BCAS3: variants seen among roughly 807,000 people sequenced by gnomAD.
BCAS3 encodes BCAS3 microtubule associated cell migration factor.
A neutral mutation model predicts 116.1 loss-of-function variants in BCAS3; 53 were observed. The ratio of observed to expected loss-of-function variants is 0.46; its 90% confidence interval spans 0.37 to 0.57. The LOEUF is 0.57. BCAS3 is among the 20% of genes least tolerant of loss of function. BCAS3 has a pLI of 0.00. For missense variants in BCAS3, 917 were observed against 1,165.4 expected, an observed-to-expected ratio of 0.79 and a Z score of 3.10; for synonymous variants, 391 against 408.2, an observed-to-expected ratio of 0.96 and a Z score of 0.51.
intron 12 of BCAS3, among the ~76,000 whole-genome samples, chr17:60,920,761 T>C (rs1211350662): frequency 6.6e-6 from 1 of 151,820 alleles, no homozygotes; most frequent in Non-Finnish European, 1.5e-5. Context: ...TCCCAGCTAC[T>C]CGGGAGGCTG....
chr17:61,049,730 C>CTTT (rs1027378849), intron 19 of BCAS3, among the ~76,000 whole-genome samples: 5 of 120,824 alleles, frequency 4.1e-5, no homozygotes, highest in Non-Finnish European at 3.4e-5. Context: ...CTTTTCTTTT[C>CTTT]TTTTTTTTTT....
At chr17:61,127,081 A>G (rs1334430670) in intron 22 of BCAS3, among the ~76,000 whole-genome samples, 1 of 152,176 alleles carries the variant, frequency 6.6e-6, no homozygotes, top group Non-Finnish European at 1.5e-5. Context: ...CAGCAGCTGC[A>G]TCTCTTCCAC....
At chr17:60,727,992 A>T (rs1404015957) in intron 5 of BCAS3, among the ~76,000 whole-genome samples, 1 of 151,682 alleles carries the variant, frequency 6.6e-6, no homozygotes, top group Non-Finnish European at 1.5e-5. Flanking sequence ...ATTTTTTTGT[A>T]GAGATGGGGT....
At chr17:60,913,011 A>G (rs948706731) in intron 12 of BCAS3, among the ~76,000 whole-genome samples, 1 of 152,084 alleles carries the variant, frequency 6.6e-6, no homozygotes, top group Non-Finnish European at 1.5e-5. Context: ...AAAACATGAC[A>G]TTTAGGCCTT....
intron 6 of BCAS3, among the ~76,000 whole-genome samples, chr17:60,768,806 G>C (rs1476274565): frequency 6.6e-6 from 1 of 152,180 alleles, no homozygotes; most frequent in Non-Finnish European, 1.5e-5. Flanking sequence ...ACTGGCACCA[G>C]TGTCAGCGGG....
intron 22 of BCAS3, among the ~76,000 whole-genome samples, chr17:61,268,974 G>GTA (rs1449658204): frequency 1.3e-5 from 2 of 151,974 alleles, no homozygotes; most frequent in African/African-American, 4.8e-5. Flanking sequence ...ATATTCCCCT[G>GTA]TATATATATG....
chr17:61,172,450 G>T (rs542358435), intron 22 of BCAS3, among the ~76,000 whole-genome samples: 1 of 151,090 alleles, frequency 6.6e-6, no homozygotes, highest in Non-Finnish European at 1.5e-5. Context: ...TGGCTAACAC[G>T]GTGAAACCCC....
chr17:60,860,057 C>G (rs1320082569), intron 7 of BCAS3, among the ~76,000 whole-genome samples: 1 of 152,124 alleles, frequency 6.6e-6, no homozygotes, highest in Non-Finnish European at 1.5e-5. Flanking sequence ...ATTCTAAGTT[C>G]TTTGAGAAAT....
At chr17:60,752,156 GT>G (rs1250553790) in intron 6 of BCAS3, among the ~76,000 whole-genome samples, 2 of 10,324 alleles carry the variant, frequency 1.9e-4, no homozygotes, top group African/African-American at 2.2e-4. Flanking sequence ...TGGCTGAAGG[GT>G]GTGTGTGTGT....
intron 19 of BCAS3, among the ~76,000 whole-genome samples, chr17:61,072,242 C>T (rs1600986307): frequency 6.6e-6 from 1 of 152,176 alleles, no homozygotes; most frequent in Non-Finnish European, 1.5e-5. Flanking sequence ...TCCAAACATA[C>T]ACAAAACTAG....
intron 6 of BCAS3, among the ~76,000 whole-genome samples, chr17:60,775,206 T>C (rs2045154632): frequency 6.6e-6 from 1 of 152,156 alleles, no homozygotes; most frequent in Non-Finnish European, 1.5e-5. Flanking sequence ...TAGCATTAAT[T>C]GTGGGGTTTT....
intron 22 of BCAS3, among the ~76,000 whole-genome samples, chr17:61,191,781 AAAAG>A (rs1018319407): frequency 6.9e-4 from 12 of 17,394 alleles, no homozygotes; most frequent in African/African-American, 1.2e-3. Flanking sequence ...TCTCAAAAAA[AAAAG>A]AAAAGAAAAG....
intron 6 of BCAS3, among the ~76,000 whole-genome samples, chr17:60,758,954 A>G (rs2043245743): frequency 1.3e-5 from 2 of 151,320 alleles, no homozygotes; most frequent in African/African-American, 4.9e-5. Flanking sequence ...GTTGATACTT[A>G]GTTTTATTCC....
intron 22 of BCAS3, among the ~76,000 whole-genome samples, chr17:61,298,759 G>A (rs2144732059): frequency 6.6e-6 from 1 of 151,834 alleles, no homozygotes; most frequent in South Asian, 2.1e-4. Context: ...CTCAAGTGTG[G>A]GCTGCCTTCC....
intron 14 of BCAS3, among the ~76,000 whole-genome samples, chr17:60,979,365 C>G (rs578232449): frequency 6.7e-6 from 1 of 148,164 alleles, no homozygotes; most frequent in Non-Finnish European, 1.5e-5. Flanking sequence ...TATCCTGAGA[C>G]TTTGCTGAAG....
Position 61,366,244 on chromosome 17 carries a change from A to G in BCAS3, c.2426-2083A>G, listed in dbSNP as rs1358523617. On this transcript the variant is annotated intron_variant, in intron 22 of 23. Transcript: ENST00000407086. The surrounding 1 kb of genome is among the most constrained non-coding windows in gnomAD (Gnocchi z 4.5). ...ATGCAGACCCTTCAGAGAAACGATG[A>G]TGCTTTAGCACTGTAGCACTAGATC... Among the ~76,000 whole-genome samples the G allele has an allele frequency of 6.6e-6, 1 of 152,118 alleles. No homozygotes were observed. Among genetic ancestry groups the G allele is most frequent in the Non-Finnish European group, 1.5e-5 (1 of 68,010 alleles).
At chr17:60,705,221 G>A (rs1307291167) in intron 4 of BCAS3, among the ~76,000 whole-genome samples, 1 of 151,966 alleles carries the variant, frequency 6.6e-6, no homozygotes, top group African/African-American at 2.4e-5. Flanking sequence ...ATACCATCAA[G>A]AAAGTCATGA....
At chr17:61,052,869 C>T (rs1338851570) in intron 19 of BCAS3, among the ~76,000 whole-genome samples, 1 of 151,808 alleles carries the variant, frequency 6.6e-6, no homozygotes, top group Non-Finnish European at 1.5e-5. Context: ...AGGTGTGTGC[C>T]ACCATGCCTG....
intron 8 of BCAS3, among the ~76,000 whole-genome samples, chr17:60,870,572 T>C (rs1361153487): frequency 6.6e-6 from 1 of 152,126 alleles, no homozygotes; most frequent in African/African-American, 2.4e-5. Flanking sequence ...TGAAACAAGG[T>C]AGCAACACTG....
Sources: gnomAD v4.1 joint callset for allele counts (sites outside exome capture counted in the v4.1 genomes callset) on GRCh38, gnomAD v4.1.1 for gene constraint, Gnocchi (gnomAD v3.1) non-coding constraint, MANE v1.5 for transcripts, NCBI Gene and HGNC (gene_info 2026-07-23, HGNC 2026-07-21) for gene names.